The following VRK2 variants were observed in gnomAD, a reference collection of about 807,000 sequenced individuals.
The protein encoded by VRK2 is VRK serine/threonine kinase 2, also known as serine/threonine-protein kinase VRK2.
VRK2 carries 60 observed loss-of-function variants against 57.6 expected under a neutral mutation model. The ratio of observed to expected loss-of-function variants is 1.04; its 90% CI spans 0.85 to 1.29. The LOEUF (loss-of-function observed/expected upper bound fraction) is 1.29. Ranked by LOEUF, VRK2 falls within the 50% of genes most tolerant of loss-of-function variation. The pLI is 0.00. For missense variants in VRK2, 705 were observed against 588.1 expected (o/e 1.20, Z -2.06); for synonymous variants, 231 against 199.2 (o/e 1.16, Z -1.35).
intron 1 of VRK2, among the ~76,000 whole-genome samples, chr2:58,010,374 GA>G (rs912562107): frequency 5.9e-5 from 9 of 151,954 alleles, no homozygotes; most frequent in Non-Finnish European, 1.2e-4. Flanking sequence ...AATGCTGCAT[GA>G]AAAAAATTTC....
chr2:58,075,944 A>G (rs934062623), intron 2 of VRK2, among the ~76,000 whole-genome samples: 3 of 146,102 alleles, frequency 2.1e-5, no homozygotes, highest in African/African-American at 7.5e-5. Flanking sequence ...TTGTAACCTC[A>G]GTTCTCTGAT....
At chr2:58,099,722 G>T (rs542803067) in intron 7 of VRK2, among the ~76,000 whole-genome samples, 1 of 152,002 alleles carries the variant, frequency 6.6e-6, no homozygotes, top group Non-Finnish European at 1.5e-5. Context: ...AAAAACACTT[G>T]TCACAGTGCC....
At chr2:58,023,156 TG>T (rs1392759429) in intron 1 of VRK2, among the ~76,000 whole-genome samples, 1 of 152,190 alleles carries the variant, frequency 6.6e-6, no homozygotes, top group Non-Finnish European at 1.5e-5. Context: ...TCACATACTC[TG>T]GCAACTACCA....
intron 1 of VRK2, among the ~76,000 whole-genome samples, chr2:57,987,073 A>G (rs773423598): frequency 2.0e-5 from 3 of 152,236 alleles, no homozygotes; most frequent in African/African-American, 4.8e-5. Flanking sequence ...GATGACAGAC[A>G]TAAAAGTAAA....
chr2:58,134,661 TC>T (rs778824197), intron 9 of VRK2, among the ~76,000 whole-genome samples: 1 of 148,678 alleles, frequency 6.7e-6, no homozygotes, highest in African/African-American at 2.5e-5. Context: ...CTTTGCTGGA[TC>T]CCCCCGCCCC....
At chr2:57,933,071 G>C (rs1273938429) in intron 1 of VRK2, among the ~76,000 whole-genome samples, 1 of 151,860 alleles carries the variant, frequency 6.6e-6, no homozygotes, top group South Asian at 2.1e-4. Flanking sequence ...AACTTTATAT[G>C]ACTTATTTTG....
upstream of VRK2, among the ~76,000 whole-genome samples, chr2:58,044,982 T>C (rs1402433787): frequency 6.6e-6 from 1 of 152,172 alleles, no homozygotes; most frequent in African/African-American, 2.4e-5. Flanking sequence ...TCAATCCTCC[T>C]CCTTCTCCCA....
intron 3 of VRK2, among the ~76,000 whole-genome samples, chr2:58,038,117 C>T (rs944336017): frequency 6.6e-6 from 1 of 152,046 alleles, no homozygotes; most frequent in African/African-American, 2.4e-5. Flanking sequence ...TGTGTCCCCA[C>T]CCAAATCTCA....
chr2:57,968,510 T>C (rs1256222079), intron 1 of VRK2, among the ~76,000 whole-genome samples: 1 of 152,080 alleles, frequency 6.6e-6, no homozygotes, highest in East Asian at 1.9e-4. Context: ...CTCAGAATGC[T>C]AGAAGAAAAT....
At chr2:57,919,477 G>C (rs1280076220) in intron 1 of VRK2, among the ~76,000 whole-genome samples, 1 of 151,942 alleles carries the variant, frequency 6.6e-6, no homozygotes, top group Non-Finnish European at 1.5e-5. Context: ...TCAAATTGGA[G>C]AATACAGTAA....
chr2:58,008,916 C>T (rs1200735184), intron 1 of VRK2, among the ~76,000 whole-genome samples: 1 of 152,060 alleles, frequency 6.6e-6, no homozygotes, highest in African/African-American at 2.4e-5. Flanking sequence ...GAATGTTGCC[C>T]TCTGCTTTCC....
upstream of VRK2, chr2:58,046,616 C>G: frequency 1.0e-6 from 1 of 985,612 alleles, no homozygotes; most frequent in Non-Finnish European, 1.2e-6. Context: ...GCCGCGCCCT[C>G]TCCTTCCCCT....
At chr2:58,051,007 G>T (rs1361141231) in intron 2 of VRK2, among the ~76,000 whole-genome samples, 1 of 152,036 alleles carries the variant, frequency 6.6e-6, no homozygotes, top group Non-Finnish European at 1.5e-5. Context: ...ACCCTGCCTG[G>T]CTAATTTTTG....
intron 1 of VRK2, among the ~76,000 whole-genome samples, chr2:57,930,095 T>C (rs987014045): frequency 1.3e-5 from 2 of 152,112 alleles, no homozygotes; most frequent in South Asian, 2.1e-4. Context: ...GTGGGCCCTG[T>C]AGATCTCCTG....
intron 11 of VRK2, among the ~76,000 whole-genome samples, chr2:58,145,894 T>C (rs1042239995): frequency 1.9e-4 from 29 of 152,080 alleles, no homozygotes; most frequent in African/African-American, 6.3e-4. Flanking sequence ...GTCCTTGCGA[T>C]AGTTTGCTCA....
intron 1 of VRK2, among the ~76,000 whole-genome samples, chr2:57,926,936 T>TTCC (rs971091161): frequency 6.6e-6 from 1 of 151,816 alleles, no homozygotes; most frequent in Non-Finnish European, 1.5e-5. Context: ...ACTTCTTTCT[T>TTCC]TCCTTTCTTC....
At chr2:57,929,805 C>T (rs759994736) in intron 1 of VRK2, among the ~76,000 whole-genome samples, 2 of 152,140 alleles carry the variant, frequency 1.3e-5, no homozygotes, top group Admixed American at 1.3e-4. Flanking sequence ...AGGTCCTTCA[C>T]TTCAAGGCAA....
At chr2:58,156,339 T>C (rs1057148429) in intron 12 of VRK2, among the ~76,000 whole-genome samples, 3 of 152,298 alleles carry the variant, frequency 2.0e-5, no homozygotes, top group Admixed American at 6.5e-5. Flanking sequence ...TAAGGATGGC[T>C]GTCTTTTGTT....
At chr2:57,919,769 T>C (rs1233173882) in intron 1 of VRK2, among the ~76,000 whole-genome samples, 2 of 152,106 alleles carry the variant, frequency 1.3e-5, no homozygotes, top group African/African-American at 4.8e-5. Flanking sequence ...TTCATTTGGA[T>C]ATAGTTTATT....
Sources: gnomAD v4.1 joint callset for allele counts (sites outside exome capture counted in the v4.1 genomes callset) on GRCh38, gnomAD v4.1.1 for gene constraint, MANE v1.5 for transcripts, NCBI Gene and HGNC (gene_info 2026-07-23, HGNC 2026-07-21) for gene names.